CDKAL1: variants seen among roughly 807,000 people sequenced by gnomAD.
The protein encoded by CDKAL1 is threonylcarbamoyladenosine tRNA methylthiotransferase.
A neutral mutation model predicts 68.2 loss-of-function variants in CDKAL1; 32 were observed. The observed-to-expected ratio is 0.47, with a 90% CI of 0.35 to 0.63. CDKAL1 has a LOEUF of 0.63. CDKAL1 is among the 30% of genes least tolerant of loss of function. The pLI, the probability that CDKAL1 is intolerant of heterozygous loss-of-function variation, is 0.00. For missense variants in CDKAL1, 606 were observed against 696.7 expected, an observed-to-expected ratio of 0.87 and a Z score of 1.47; for synonymous variants, 234 against 244.3, an observed-to-expected ratio of 0.96 and a Z score of 0.39.
intron 9 of CDKAL1, among the ~76,000 whole-genome samples, chr6:20,942,355 G>GTA (rs774999420): frequency 1.1e-3 from 141 of 126,838 alleles, no homozygotes; most frequent in Non-Finnish European, 1.9e-3. Context: ...TGCTTTAAAT[G>GTA]TATATATATA....
intron 11 of CDKAL1, among the ~76,000 whole-genome samples, chr6:21,053,477 T>G (rs1254104240): frequency 6.6e-6 from 1 of 152,194 alleles, no homozygotes; most frequent in Non-Finnish European, 1.5e-5. Flanking sequence ...TTCCCTTGGG[T>G]AGACACCTAG....
At chr6:21,146,776 A>G (rs1383360298) in intron 13 of CDKAL1, among the ~76,000 whole-genome samples, 3 of 147,864 alleles carry the variant, frequency 2.0e-5, no homozygotes, top group East Asian at 2.0e-4. Flanking sequence ...GCATGAACCC[A>G]GGAGGCAGAG....
intron 13 of CDKAL1, among the ~76,000 whole-genome samples, chr6:21,178,197 A>T (rs1777660591): frequency 6.6e-6 from 1 of 152,158 alleles, no homozygotes; most frequent in Admixed American, 6.6e-5. Context: ...AAAAAGCCTT[A>T]TCATGGGGAA....
intron 5 of CDKAL1, among the ~76,000 whole-genome samples, chr6:20,696,846 G>A (rs1357235091): frequency 6.6e-6 from 1 of 152,140 alleles, no homozygotes; most frequent in Non-Finnish European, 1.5e-5. Flanking sequence ...GATGCAAACA[G>A]TATGTGTTGA....
chr6:20,704,370 T>A (rs2127821564), intron 5 of CDKAL1, among the ~76,000 whole-genome samples: 1 of 152,188 alleles, frequency 6.6e-6, no homozygotes, highest in South Asian at 2.1e-4. Flanking sequence ...AAGGAAGACT[T>A]CTCTGGTAAA....
At chr6:20,548,050 A>AT (rs1225687911) in intron 3 of CDKAL1, among the ~76,000 whole-genome samples, 2 of 152,272 alleles carry the variant, frequency 1.3e-5, no homozygotes, top group East Asian at 3.9e-4. Context: ...GAAAAAGGAT[A>AT]TTTTTTTATG....
At chr6:21,039,767 T>G (rs1400473166) in intron 11 of CDKAL1, among the ~76,000 whole-genome samples, 1 of 152,206 alleles carries the variant, frequency 6.6e-6, no homozygotes, top group Non-Finnish European at 1.5e-5. Flanking sequence ...ATGCAAAGTA[T>G]GATTGAAACA....
At chr6:20,706,070 C>T (rs1006724364) in intron 5 of CDKAL1, among the ~76,000 whole-genome samples, 4 of 152,124 alleles carry the variant, frequency 2.6e-5, no homozygotes, top group African/African-American at 9.7e-5. Flanking sequence ...CGTCCTTGAC[C>T]ACGCATTTGG....
At chr6:20,789,683 G>T (rs1036319280) in intron 8 of CDKAL1, among the ~76,000 whole-genome samples, 2 of 152,268 alleles carry the variant, frequency 1.3e-5, no homozygotes, top group East Asian at 3.9e-4. Flanking sequence ...AAGGGAGAAT[G>T]AATTTGGATA....
intron 11 of CDKAL1, among the ~76,000 whole-genome samples, chr6:21,051,279 C>T (rs932410269): frequency 1.3e-5 from 2 of 152,274 alleles, no homozygotes; most frequent in East Asian, 1.9e-4. Context: ...GAGGCTGAGG[C>T]AGGAGGATCA....
chr6:20,692,480 AT>A (rs1340912934), intron 5 of CDKAL1, among the ~76,000 whole-genome samples: 1 of 152,202 alleles, frequency 6.6e-6, no homozygotes, highest in Non-Finnish European at 1.5e-5. Context: ...GTTTAAAACC[AT>A]TCTGGGCTTT....
At position 20,785,088 on chromosome 6, in the gene CDKAL1, TTAGAG is replaced by T. The variant is rs1288803603; in HGVS notation, c.638+3830_638+3834del. Among the ~76,000 whole-genome samples, 30 of 152,202 alleles carry T rather than the reference TTAGAG, an allele frequency of 2.0e-4. No homozygotes were observed. In the East Asian group the frequency reaches 4.4e-3, roughly 23 times the overall value. On this transcript the variant is annotated intron_variant, in intron 8 of 15. Transcript: ENST00000274695. ...CTCTCATCCTCTTGTATCCTTCACA[TTAGAG>T]TAGAGTGTTGATCCTCGGTACATTA...
intron 9 of CDKAL1, among the ~76,000 whole-genome samples, chr6:20,892,274 T>C (rs1378054659): frequency 6.6e-6 from 1 of 152,166 alleles, no homozygotes; most frequent in Non-Finnish European, 1.5e-5. Context: ...TGGGGACTCC[T>C]TCACAGATGA....
chr6:20,707,999 A>G (rs944256806), intron 5 of CDKAL1, among the ~76,000 whole-genome samples: 3 of 152,198 alleles, frequency 2.0e-5, no homozygotes, highest in Non-Finnish European at 2.9e-5. Flanking sequence ...GTATATTATA[A>G]GAGTAGGAAA....
At chr6:20,621,433 G>T (rs150971414) in intron 4 of CDKAL1, among the ~76,000 whole-genome samples, 1 of 152,096 alleles carries the variant, frequency 6.6e-6, no homozygotes, top group Admixed American at 6.6e-5. Context: ...CCACTGTGAA[G>T]TTTACTCTTT....
chr6:20,902,831 G>A (rs898811012), intron 9 of CDKAL1, among the ~76,000 whole-genome samples: 20 of 152,128 alleles, frequency 1.3e-4, no homozygotes, highest in African/African-American at 4.8e-4. Flanking sequence ...GGTCATTTGG[G>A]TGGTCTAAAT....
chr6:20,938,400 C>A (rs559796365), intron 9 of CDKAL1, among the ~76,000 whole-genome samples: 4 of 152,070 alleles, frequency 2.6e-5, no homozygotes, highest in African/African-American at 9.7e-5. Flanking sequence ...AAGATATGAT[C>A]GCTAGTTGTG....
chr6:20,850,346 C>G (rs1272809636), intron 9 of CDKAL1, among the ~76,000 whole-genome samples: 2 of 151,782 alleles, frequency 1.3e-5, no homozygotes, highest in African/African-American at 4.8e-5. Flanking sequence ...TTTTTAAACT[C>G]TATATCAACT....
intron 8 of CDKAL1, among the ~76,000 whole-genome samples, chr6:20,822,864 T>C (rs775543106): frequency 2.6e-5 from 4 of 152,198 alleles, no homozygotes; most frequent in Non-Finnish European, 5.9e-5. Flanking sequence ...AGTAAACCTC[T>C]TTACTTTATA....
Sources: gnomAD v4.1 joint callset for allele counts (sites outside exome capture counted in the v4.1 genomes callset) on GRCh38, gnomAD v4.1.1 for gene constraint, MANE v1.5 for transcripts, NCBI Gene and HGNC (gene_info 2026-07-23, HGNC 2026-07-21) for gene names.